Variants in PDE10A observed in about 807,000 individuals in gnomAD.
The protein encoded by PDE10A is phosphodiesterase 10A.
PDE10A carries 39 observed loss-of-function variants against 97.7 expected under a neutral mutation model. The ratio of observed to expected loss-of-function variants is 0.40; its 90% confidence interval spans 0.31 to 0.52. PDE10A has a LOEUF of 0.52. PDE10A is among the 20% of genes least tolerant of loss of function. The pLI is 0.56. For synonymous variants in PDE10A, 371 were observed against 376.8 expected, an observed-to-expected ratio of 0.98 and a Z score of 0.18; for missense variants, 731 against 1,047.8, an observed-to-expected ratio of 0.70 and a Z score of 4.17.
chr6:165,832,823 G>A (rs1269267510), intron 1 of PDE10A, among the ~76,000 whole-genome samples: 2 of 152,146 alleles, frequency 1.3e-5, no homozygotes, highest in Admixed American at 6.5e-5. Context: ...GACATTTTGT[G>A]GTGAGAAAAC....
chr6:165,567,993 C>CCTTT (rs370865492), intron 1 of PDE10A, among the ~76,000 whole-genome samples: 7,802 of 114,704 alleles, frequency 0.068, 791 homozygotes, highest in East Asian at 0.28. Flanking sequence ...CGCAACAAGG[C>CCTTT]ATTTTTTTTT....
intron 1 of PDE10A, among the ~76,000 whole-genome samples, chr6:165,875,363 T>C (rs1174965712): frequency 1.3e-5 from 2 of 152,206 alleles, no homozygotes; most frequent in African/African-American, 4.8e-5. Context: ...GTCATCTTCA[T>C]GACCAGTTCT....
At position 165,332,755 on chromosome 6, in the gene PDE10A, G is replaced by T; in HGVS notation, c.*270C>A. ...TCAGCAATATTAGCCTATTAGAAAA[G>T]GCTGGTTTGCAAGTCAAATGGAGTC... On this transcript the variant is annotated 3_prime_UTR_variant, in exon 22 of 22. Coordinates refer to ENST00000539869, the MANE Select transcript of PDE10A (RefSeq NM_001385079.1). The T allele has an allele frequency of 4.5e-6, 2 of 439,854 alleles. No homozygotes were observed. Among genetic ancestry groups the T allele is most frequent in the Non-Finnish European group, 8.1e-6 (2 of 246,984 alleles). The allele number at this position is 439,854 out of a possible 1,614,324, so 27.2% of individuals were successfully genotyped here.
At chr6:165,468,886 T>C (rs578231017) in intron 3 of PDE10A, among the ~76,000 whole-genome samples, 28 of 152,360 alleles carry the variant, frequency 1.8e-4, no homozygotes, top group African/African-American at 6.0e-4. Context: ...CTTGAATTTA[T>C]GGACTGGGAC....
intron 1 of PDE10A, among the ~76,000 whole-genome samples, chr6:165,650,043 T>C (rs957926441): frequency 2.0e-5 from 3 of 152,168 alleles, no homozygotes; most frequent in African/African-American, 7.2e-5. Context: ...TTTTTTAATA[T>C]TCATCGTTTG....
At chr6:165,501,900 A>G (rs1780912676) in intron 2 of PDE10A, among the ~76,000 whole-genome samples, 1 of 152,240 alleles carries the variant, frequency 6.6e-6, no homozygotes, top group South Asian at 2.1e-4. Context: ...AAGACTTCCT[A>G]CACAGCTACA....
intron 1 of PDE10A, among the ~76,000 whole-genome samples, chr6:165,609,874 G>C (rs1331984302): frequency 1.3e-5 from 2 of 152,124 alleles, no homozygotes; most frequent in Non-Finnish European, 2.9e-5. Context: ...CAAACAAATG[G>C]AAGAACATTC....
chr6:165,777,117 G>A (rs1208268289), intron 1 of PDE10A, among the ~76,000 whole-genome samples: 1 of 152,210 alleles, frequency 6.6e-6, no homozygotes, highest in Non-Finnish European at 1.5e-5. Context: ...TGTCTACTGA[G>A]AACAGCATCC....
At chr6:165,509,847 A>G (rs530031705) in intron 2 of PDE10A, among the ~76,000 whole-genome samples, 26 of 152,138 alleles carry the variant, frequency 1.7e-4, no homozygotes, top group African/African-American at 5.3e-4. Context: ...TAGCTATTGT[A>G]AATGGGATTG....
In PDE10A at chr6:165,524,468, G is replaced by A. The variant is rs147975465; in HGVS notation, c.994+18972C>T. Among the ~76,000 whole-genome samples, 8 of 152,242 alleles carry A rather than the reference G, an allele frequency of 5.3e-5. 1 individual carries two copies. The East Asian group carries it at 7.7e-4, about 15-fold the overall frequency. ...ATACATTTGACACTCCTGATTCACCGCTTGTAAGAGGCAAGGAGTTTAGTG... is the reference window on the plus strand; with the variant it reads ...ATACATTTGACACTCCTGATTCACCACTTGTAAGAGGCAAGGAGTTTAGTG... On this transcript the variant is annotated intron_variant, in intron 2 of 21. Transcript: ENST00000539869.
chr6:165,729,090 T>C (rs1396235443), intron 1 of PDE10A, among the ~76,000 whole-genome samples: 4 of 151,886 alleles, frequency 2.6e-5, no homozygotes, highest in Non-Finnish European at 2.9e-5. Flanking sequence ...TGGTCCCAGC[T>C]ACTTGGGAGG....
At chr6:165,686,216 C>T (rs2128440610) in intron 1 of PDE10A, among the ~76,000 whole-genome samples, 1 of 152,094 alleles carries the variant, frequency 6.6e-6, no homozygotes, top group African/African-American at 2.4e-5. Context: ...CATGACAGCG[C>T]TCGCTACACT....
At chr6:165,343,075 G>A (rs1030255206) in intron 19 of PDE10A, among the ~76,000 whole-genome samples, 6 of 152,180 alleles carry the variant, frequency 3.9e-5, no homozygotes, top group African/African-American at 1.4e-4. Context: ...ATCTAAAGTA[G>A]ATGGCCAGTA....
intron 1 of PDE10A, among the ~76,000 whole-genome samples, chr6:165,647,136 T>C (rs1335012451): frequency 3.3e-5 from 5 of 152,090 alleles, no homozygotes; most frequent in African/African-American, 1.2e-4. Flanking sequence ...CAGGACTAAG[T>C]CCACACACAG....
chr6:165,884,158 A>G (rs1781567220), intron 1 of PDE10A, among the ~76,000 whole-genome samples: 1 of 152,182 alleles, frequency 6.6e-6, no homozygotes, highest in South Asian at 2.1e-4. Flanking sequence ...GGACCGAAGG[A>G]AGAGCCACTG....
chr6:165,527,067 C>T (rs987376381), intron 2 of PDE10A, among the ~76,000 whole-genome samples: 9 of 152,210 alleles, frequency 5.9e-5, no homozygotes, highest in African/African-American at 1.7e-4. Context: ...ATAAATCCGA[C>T]TAAAATTCAG....
At chr6:165,431,353 C>T in intron 8 of PDE10A, 69 bp downstream of exon 8, 2 of 963,474 alleles carry the variant, frequency 2.1e-6, no homozygotes, top group Non-Finnish European at 3.1e-6. Context: ...CTATTCCGGT[C>T]TTCAATGCCT....
intron 1 of PDE10A, among the ~76,000 whole-genome samples, chr6:165,919,657 C>A (rs1477234650): frequency 2.0e-5 from 3 of 152,180 alleles, no homozygotes; most frequent in Admixed American, 2.0e-4. Flanking sequence ...GAGCTTGTGG[C>A]CTGTGCAGAA....
chr6:165,586,666 T>A (rs1785931874), intron 1 of PDE10A, among the ~76,000 whole-genome samples: 1 of 152,174 alleles, frequency 6.6e-6, no homozygotes, highest in African/African-American at 2.4e-5. Context: ...CATATTGTAG[T>A]TTACTAAGAA....
Sources: gnomAD v4.1 joint callset for allele counts (sites outside exome capture counted in the v4.1 genomes callset) on GRCh38, gnomAD v4.1.1 for gene constraint, MANE v1.5 for transcripts, NCBI Gene and HGNC (gene_info 2026-07-23, HGNC 2026-07-21) for gene names.